The following CRYBG3 variants were observed in gnomAD, a reference collection of about 807,000 sequenced individuals.
CRYBG3 encodes the protein very large A-kinase anchor protein.
CRYBG3 carries 127 observed loss-of-function variants against 244.2 expected under a neutral mutation model. That is an observed-to-expected ratio of 0.52 (90% CI 0.45 to 0.60). The LOEUF (loss-of-function observed/expected upper bound fraction) is 0.60. Among genes scored for constraint, CRYBG3 ranks in the 20% least tolerant of loss-of-function variants. CRYBG3 has a pLI of 0.00. For missense variants in CRYBG3, 3,325 were observed against 3,442.5 expected (o/e 0.97, Z 0.85); for synonymous variants, 1,132 against 1,195.8 (o/e 0.95, Z 1.10).
intron 18 of CRYBG3, among the ~76,000 whole-genome samples, chr3:97,934,947 G>T (rs1010324172): frequency 1.3e-5 from 2 of 151,798 alleles, no homozygotes; most frequent in Non-Finnish European, 2.9e-5. Context: ...TGGAACACTG[G>T]TGCCATTTTA....
At chr3:97,869,283 T>C (rs939244866) in intron 3 of CRYBG3, among the ~76,000 whole-genome samples, 1 of 152,188 alleles carries the variant, frequency 6.6e-6, no homozygotes, top group African/African-American at 2.4e-5. Context: ...AAATGTTTAA[T>C]CTTATTATCA....
chr3:97,892,552 T>G (rs2039591705), intron 10 of CRYBG3, among the ~76,000 whole-genome samples: 1 of 152,164 alleles, frequency 6.6e-6, no homozygotes, highest in Non-Finnish European at 1.5e-5. Flanking sequence ...TCTTGCATCA[T>G]TTTTAGCAAA....
intron 6 of CRYBG3, 59 bp from the exon 7 acceptor site, chr3:97,881,013 A>G: frequency 2.2e-6 from 3 of 1,359,488 alleles, no homozygotes; most frequent in Non-Finnish European, 2.9e-6. Flanking sequence ...TCTGTGACTT[A>G]TATGCCTTAT....
At position 97,943,215 on chromosome 3, in the gene CRYBG3, T is replaced by A. The variant is rs750814374; in HGVS notation, c.8825-11T>A. The A allele has an allele frequency of 2.0e-6, 3 of 1,495,330 alleles. No individual in the cohort carries two copies. The highest frequency in any genetic ancestry group is 1.8e-6 in the Non-Finnish European group (2 of 1,083,868). 92.6% of individuals were successfully genotyped at this position (1,495,330 alleles called of 1,614,324 possible). On this transcript the variant is annotated splice_polypyrimidine_tract_variant and intron_variant, in intron 21 of 21. Coordinates refer to ENST00000389622, the MANE Select transcript of CRYBG3 (RefSeq NM_153605.4). Reference sequence around the variant, plus strand: ...AACAAATAATCTTTTCTTTTGGAATTTCTATTTTAGGAGGAAATTATTGTG... The same window carrying A: ...AACAAATAATCTTTTCTTTTGGAATATCTATTTTAGGAGGAAATTATTGTG...
rs1409559778 is a variant in CRYBG3, at chr3:97,941,141, G to A, written c.8506-7G>A. 1.9e-6 allele frequency: 3 copies of A among 1,594,946 alleles called. No individual in the cohort carries two copies. The highest frequency in any genetic ancestry group is 2.3e-5 in the South Asian group (2 of 87,882). On this transcript the variant is annotated splice_polypyrimidine_tract_variant and splice_region_variant and intron_variant, in intron 19 of 21. Transcript: ENST00000389622. ...TTATTTCTAAATGGCTGTTTCTCCTGTCATAGCCTGCAGTGTACATCAGAA... is the reference window on the plus strand; with the variant it reads ...TTATTTCTAAATGGCTGTTTCTCCTATCATAGCCTGCAGTGTACATCAGAA...
chr3:97,854,693 A>G (rs1385534792), intron 2 of CRYBG3, among the ~76,000 whole-genome samples: 1 of 150,678 alleles, frequency 6.6e-6, no homozygotes, highest in Admixed American at 6.6e-5. Context: ...ATTTGTATAC[A>G]TTGATTTTTT....
At chr3:97,924,770 A>C (rs1042390128) in intron 17 of CRYBG3, among the ~76,000 whole-genome samples, 2 of 152,040 alleles carry the variant, frequency 1.3e-5, no homozygotes, top group African/African-American at 4.8e-5. Context: ...AGTAATCTAG[A>C]TGATTGTGCC....
chr3:97,843,345 T>C (rs1235535139), intron 2 of CRYBG3, 84 bp downstream of exon 2: 2 of 781,472 alleles, frequency 2.6e-6, no homozygotes, highest in Non-Finnish European at 4.0e-6. Context: ...CATCTTATTT[T>C]ACATTTCAAA....
At chr3:97,839,966 A>C (rs2038789315) in intron 1 of CRYBG3, among the ~76,000 whole-genome samples, 1 of 152,052 alleles carries the variant, frequency 6.6e-6, no homozygotes. Flanking sequence ...AGGCTCTGGG[A>C]TCTTCTGAAT....
intron 1 of CRYBG3, among the ~76,000 whole-genome samples, chr3:97,823,772 G>C (rs1232189869): frequency 6.6e-6 from 1 of 152,198 alleles, no homozygotes. Context: ...CAAAAGTTGG[G>C]AACTTGAGAG....
At chr3:97,823,962 CTCA>C (rs1434308880) in intron 1 of CRYBG3, among the ~76,000 whole-genome samples, 4 of 152,186 alleles carry the variant, frequency 2.6e-5, no homozygotes, top group Non-Finnish European at 5.9e-5. Flanking sequence ...CTTCTCTATT[CTCA>C]TCATCTCCAG....
In CRYBG3 at chr3:97,873,425, T is replaced by G; in HGVS notation, c.2231T>G (p.Val744Gly). The G allele has an allele frequency of 6.5e-7, 1 of 1,535,086 alleles. No homozygotes were observed. Among genetic ancestry groups the G allele is most frequent in the Non-Finnish European group, 8.7e-7 (1 of 1,146,610 alleles). The stretch of plus-strand genomic sequence containing the variant: ...CTTTCTAATAGTGAAAAATGCCAGG[T>G]TCTTCCAGGTTCTGAAGCCAGTGGC... ...EVLSNSEKCQ[V>G]LPGSEASGPH... The change falls in exon 4 of 22, where the codon GTT (valine) becomes GGT (glycine). Residue 744 changes from valine (V) to glycine (G), a missense_variant. Physicochemically the swap from Val to Gly is moderately radical, Grantham distance 109 (BLOSUM62 -3). Around this residue, in one of 4 missense-constraint regions of CRYBG3, gnomAD observed 1,526 missense variants for 1,443.2 expected, o/e 1.06. Transcript: ENST00000389622.
At chr3:97,882,384 A>G (rs767964392) in intron 7 of CRYBG3, among the ~76,000 whole-genome samples, 1 of 151,796 alleles carries the variant, frequency 6.6e-6, no homozygotes, top group African/African-American at 2.4e-5. Context: ...GTGTGCATGC[A>G]TGTGTGTGTG....
Position 97,942,264 on chromosome 3 carries a change from T to C in CRYBG3, c.8665-20T>C. 1 of 1,581,872 alleles carries C rather than the reference T, an allele frequency of 6.3e-7. No homozygotes were observed. Among genetic ancestry groups the C allele is most frequent in the Non-Finnish European group, 8.6e-7 (1 of 1,159,928 alleles). On this transcript the variant is annotated intron_variant, in intron 20 of 21. Transcript: ENST00000389622. ...TAGCAAACATACTACTGCCAATTAA[T>C]CATTTCTTAACCCTTTTAGGCCAGT...
In CRYBG3 at chr3:97,873,775, T is replaced by C. The variant is rs1400171955; in HGVS notation, c.2581T>C (p.Leu861=). Residue 861 remains leucine, a synonymous_variant, in exon 4 of 22, where the codon TTG becomes CTG. Coordinates refer to ENST00000389622, the MANE Select transcript of CRYBG3 (RefSeq NM_153605.4). ...ISQDKMSSFP[L]KITHVPEKPI... ...TCAGGATAAAATGTCTTCTTTTCCA[T>C]TGAAAATTACCCATGTTCCAGAAAA... 4.6e-6 allele frequency: 7 copies of C among 1,534,044 alleles called. No homozygotes were observed. The highest frequency in any genetic ancestry group is 2.4e-5 in the South Asian group (2 of 83,486).
intron 1 of CRYBG3, among the ~76,000 whole-genome samples, chr3:97,842,184 A>T (rs2038828826): frequency 6.6e-6 from 1 of 152,162 alleles, no homozygotes. Context: ...GTAGAGAGTC[A>T]GTCATCTTTA....
intron 12 of CRYBG3, among the ~76,000 whole-genome samples, chr3:97,896,457 A>C (rs573518045): frequency 1.3e-5 from 2 of 152,294 alleles, no homozygotes; most frequent in South Asian, 4.2e-4. Flanking sequence ...CCCCAGAAAA[A>C]GATCAGTTGG....
At chr3:97,862,496 T>G (rs1401709805) in intron 2 of CRYBG3, among the ~76,000 whole-genome samples, 1 of 152,188 alleles carries the variant, frequency 6.6e-6, no homozygotes, top group Non-Finnish European at 1.5e-5. Context: ...CAGTGTTCTT[T>G]TTGACCTGGG....
In CRYBG3 at chr3:97,851,760, G is replaced by A. The variant is rs769079799; in HGVS notation, c.216+8499G>A. 5.3e-5 allele frequency among the ~76,000 whole-genome samples: 8 copies of A among 152,148 alleles called. No individual in the cohort carries two copies. In the East Asian group the frequency reaches 1.4e-3, roughly 26 times the overall value. ...AAGACCTTGAAGGCAATGCCAGGGG[G>A]CTTGGATTTTATCCTGATGGCAATG... On this transcript the variant is annotated intron_variant, in intron 2 of 21. Coordinates refer to ENST00000389622, the MANE Select transcript of CRYBG3 (RefSeq NM_153605.4).
Sources: allele counts gnomAD v4.1 joint callset (sites outside exome capture counted in the v4.1 genomes callset), GRCh38; gene constraint gnomAD v4.1.1; regional missense constraint gnomAD v4.1.1; transcripts MANE v1.5; gene names NCBI Gene and HGNC (gene_info 2026-07-23, HGNC 2026-07-21).